DCDC1: variants seen among roughly 807,000 people sequenced by gnomAD.
DCDC1 encodes the protein doublecortin domain-containing protein 1.
Under a neutral mutation model 178.3 loss-of-function variants are expected in DCDC1, and 200 were observed. That is an observed-to-expected ratio of 1.12 (90% CI 1.00 to 1.26). DCDC1 has a LOEUF of 1.26. Ranked by LOEUF, DCDC1 falls within the 50% of genes most tolerant of loss-of-function variation. DCDC1 has a pLI of 0.00. For synonymous variants in DCDC1, 690 were observed against 604.8 expected (o/e 1.14, Z -2.07); for missense variants, 1,983 against 1,749.2 (o/e 1.13, Z -2.38).
intron 6 of DCDC1, among the ~76,000 whole-genome samples, chr11:31,291,852 C>T (rs1287890571): frequency 6.6e-6 from 1 of 152,002 alleles, no homozygotes; most frequent in Non-Finnish European, 1.5e-5. Flanking sequence ...TCTGTTAGCA[C>T]TCACCTTGAA....
At chr11:31,302,802 G>T (rs544142945) in intron 6 of DCDC1, among the ~76,000 whole-genome samples, 2 of 152,172 alleles carry the variant, frequency 1.3e-5, no homozygotes, top group Admixed American at 6.6e-5. Flanking sequence ...TGTTCTATAG[G>T]ATTTTTTCTG....
intron 9 of DCDC1, chr11:31,215,168 A>ACAG: frequency 4.0e-6 from 1 of 251,434 alleles, no homozygotes; most frequent in Non-Finnish European, 8.2e-6. Flanking sequence ...AGTGGCTCAC[A>ACAG]CCTGTAGTCT....
chr11:31,169,613 G>A (rs1212271219), intron 9 of DCDC1, among the ~76,000 whole-genome samples: 2 of 152,020 alleles, frequency 1.3e-5, no homozygotes, highest in African/African-American at 4.8e-5. Context: ...CACAAAAAGG[G>A]CAGTTGAGTT....
chr11:30,892,681 G>T (rs1288783866), intron 36 of DCDC1, 137 bp downstream of exon 36: 15 of 943,342 alleles, frequency 1.6e-5, no homozygotes, highest in Non-Finnish European at 2.2e-5. Flanking sequence ...TCAATCCTAT[G>T]AGGAAAGTAC....
intron 15 of DCDC1, among the ~76,000 whole-genome samples, chr11:31,101,327 GAGAT>G (rs1251687747): frequency 6.6e-6 from 1 of 151,578 alleles, no homozygotes; most frequent in Admixed American, 6.6e-5. Flanking sequence ...TCCTTCTTTG[GAGAT>G]AGATTTAAAA....
intron 3 of DCDC1, among the ~76,000 whole-genome samples, chr11:31,326,252 G>A (rs764412956): frequency 6.6e-6 from 1 of 152,012 alleles, no homozygotes; most frequent in Non-Finnish European, 1.5e-5. Flanking sequence ...TGAGAAGAAA[G>A]ACTGACATAT....
chr11:31,273,728 T>G (rs1945760738), intron 7 of DCDC1, among the ~76,000 whole-genome samples: 1 of 152,192 alleles, frequency 6.6e-6, no homozygotes, highest in African/African-American at 2.4e-5. Flanking sequence ...GGTACCAATT[T>G]ACTGTATTAG....
chr11:31,363,790 C>T (rs1951823336), intron 1 of DCDC1, among the ~76,000 whole-genome samples: 2 of 151,990 alleles, frequency 1.3e-5, no homozygotes, highest in South Asian at 2.1e-4. Context: ...ATAAACTTTT[C>T]GAAAAAAATT....
intron 23 of DCDC1, among the ~76,000 whole-genome samples, chr11:30,924,017 A>G (rs1274624886): frequency 6.6e-6 from 1 of 152,178 alleles, no homozygotes; most frequent in Admixed American, 6.5e-5. Context: ...TACTCTTCAG[A>G]GCAGTGACAG....
intron 20 of DCDC1, among the ~76,000 whole-genome samples, chr11:31,018,439 T>C (rs1482124900): frequency 1.3e-5 from 2 of 152,176 alleles, no homozygotes; most frequent in Non-Finnish European, 2.9e-5. Flanking sequence ...CCAGTGAACA[T>C]TACTAAGCTC....
chr11:31,077,794 A>T (rs1472227393), intron 18 of DCDC1, 71 bp downstream of exon 18: 1 of 736,786 alleles, frequency 1.4e-6, no homozygotes, highest in African/African-American at 1.7e-5. Context: ...TAAACAATAG[A>T]TAGTACCCTT....
At chr11:30,928,526 G>A (rs1026096418) in intron 22 of DCDC1, among the ~76,000 whole-genome samples, 1 of 8,554 alleles carries the variant, frequency 1.2e-4, no homozygotes, top group Non-Finnish European at 2.5e-4. Context: ...TTTTTTAAAT[G>A]AGATTAATTT....
chr11:31,340,154 C>A (rs921762960), intron 1 of DCDC1, among the ~76,000 whole-genome samples: 1 of 152,092 alleles, frequency 6.6e-6, no homozygotes, highest in Non-Finnish European at 1.5e-5. Flanking sequence ...GGATGATACA[C>A]GGGGCCTTTT....
At chr11:31,003,105 TAATCTAGATTTCC>T (rs1434183359) in intron 20 of DCDC1, among the ~76,000 whole-genome samples, 2 of 150,976 alleles carry the variant, frequency 1.3e-5, no homozygotes, top group African/African-American at 4.9e-5. Flanking sequence ...TATATATATA[TAATCTAGATTTCC>T]ATATATAGAT....
intron 9 of DCDC1, among the ~76,000 whole-genome samples, chr11:31,213,166 T>TCTCCCTCTCCC (rs1972975722): frequency 7.5e-6 from 1 of 132,530 alleles, no homozygotes; most frequent in African/African-American, 3.0e-5. Context: ...TCTCTCTGCT[T>TCTCCCTCTCCC]TCTTTACCAG....
intron 6 of DCDC1, 65 bp from the exon 7 acceptor site, chr11:31,290,917 C>G: frequency 4.2e-6 from 6 of 1,414,748 alleles, no homozygotes; most frequent in Admixed American, 3.8e-5. Context: ...ACACATCATA[C>G]TTCCCTCCCT....
chr11:31,264,822 TA>T (rs1005485094), intron 8 of DCDC1, among the ~76,000 whole-genome samples: 4 of 152,182 alleles, frequency 2.6e-5, no homozygotes, highest in African/African-American at 9.6e-5. Context: ...ACCAGTTTGC[TA>T]AAACCAATTG....
intron 38 of DCDC1, among the ~76,000 whole-genome samples, chr11:30,876,915 T>C (rs1360481494): frequency 6.6e-6 from 1 of 151,960 alleles, no homozygotes; most frequent in Non-Finnish European, 1.5e-5. Flanking sequence ...ACCCTTCTTG[T>C]TTTGACTTTC....
intron 29 of DCDC1, among the ~76,000 whole-genome samples, chr11:30,907,076 C>T (rs947644988): frequency 1.8e-4 from 28 of 152,144 alleles, no homozygotes; most frequent in Admixed American, 5.9e-4. Flanking sequence ...CCAAAAGACA[C>T]AGGAGCCAAC....
Sources: gnomAD v4.1 joint callset for allele counts (sites outside exome capture counted in the v4.1 genomes callset) on GRCh38, gnomAD v4.1.1 for gene constraint, MANE v1.5 for transcripts, NCBI Gene and HGNC (gene_info 2026-07-23, HGNC 2026-07-21) for gene names.